The following RABGAP1L variants were observed in gnomAD, a reference collection of about 807,000 sequenced individuals.
RABGAP1L encodes the protein rab GTPase-activating protein 1-like.
RABGAP1L carries 63 observed loss-of-function variants against 137.7 expected under a neutral mutation model. The observed-to-expected ratio is 0.46, with a 90% CI of 0.37 to 0.56. The LOEUF is 0.56. Among genes scored for constraint, RABGAP1L ranks in the 20% least tolerant of loss-of-function variants. The pLI is 0.00. For missense variants in RABGAP1L, 1,095 were observed against 1,244.0 expected, an observed-to-expected ratio of 0.88 and a Z score of 1.80; for synonymous variants, 431 against 433.7, an observed-to-expected ratio of 0.99 and a Z score of 0.08.
intron 13 of RABGAP1L, among the ~76,000 whole-genome samples, chr1:174,419,853 T>G (rs996012946): frequency 5.9e-5 from 9 of 152,186 alleles, no homozygotes; most frequent in Non-Finnish European, 1.3e-4. Context: ...TTTGAATGTT[T>G]TTTTCTCTTG....
chr1:174,355,893 C>T (rs1375738165), intron 11 of RABGAP1L, among the ~76,000 whole-genome samples: 3 of 151,936 alleles, frequency 2.0e-5, no homozygotes, highest in African/African-American at 7.2e-5. Context: ...AATAAATCAC[C>T]CTGCTTTTGA....
chr1:174,934,459 C>G (rs989932631), intron 19 of RABGAP1L, among the ~76,000 whole-genome samples: 9 of 152,178 alleles, frequency 5.9e-5, no homozygotes, highest in Non-Finnish European at 1.3e-4. Flanking sequence ...AACTGTTACT[C>G]TCCCGTACTG....
intron 12 of RABGAP1L, among the ~76,000 whole-genome samples, chr1:174,385,542 C>T (rs1571553537): frequency 6.6e-6 from 1 of 152,180 alleles, no homozygotes; most frequent in Non-Finnish European, 1.5e-5. Flanking sequence ...GGCGAGATTA[C>T]TTACGGAGTG....
intron 1 of RABGAP1L, among the ~76,000 whole-genome samples, chr1:174,200,202 G>C (rs1403195075): frequency 6.6e-6 from 1 of 152,226 alleles, no homozygotes; most frequent in Non-Finnish European, 1.5e-5. Context: ...TGAAAACCCA[G>C]TTATCATGCT....
At chr1:174,744,715 G>T (rs1373916197) in intron 17 of RABGAP1L, among the ~76,000 whole-genome samples, 4 of 152,078 alleles carry the variant, frequency 2.6e-5, no homozygotes, top group Non-Finnish European at 5.9e-5. Flanking sequence ...AAGCATCAAG[G>T]TCATGAAAAA....
intron 22 of RABGAP1L, among the ~76,000 whole-genome samples, chr1:174,976,605 A>G (rs1483015412): frequency 2.0e-5 from 3 of 152,224 alleles, no homozygotes; most frequent in East Asian, 3.8e-4. Flanking sequence ...GAGTTGCCAC[A>G]CAGCCCCTGC....
At chr1:174,292,622 A>G (rs1041173761) in intron 10 of RABGAP1L, among the ~76,000 whole-genome samples, 8 of 151,836 alleles carry the variant, frequency 5.3e-5, no homozygotes, top group Admixed American at 4.6e-4. Flanking sequence ...TATACTCTAT[A>G]TGATTTGAAT....
chr1:174,217,648 G>GA (rs1364598213), intron 1 of RABGAP1L, among the ~76,000 whole-genome samples: 3 of 151,944 alleles, frequency 2.0e-5, no homozygotes, highest in Non-Finnish European at 2.9e-5. Context: ...TACAAAGTGA[G>GA]AAAAAAACCT....
At chr1:174,561,738 G>T (rs913023594) in intron 13 of RABGAP1L, among the ~76,000 whole-genome samples, 12 of 151,994 alleles carry the variant, frequency 7.9e-5, no homozygotes, top group Admixed American at 4.6e-4. Context: ...TGACAAACCT[G>T]ACAAAAGCAA....
At chr1:174,493,129 CAGG>C in intron 13 of RABGAP1L, among the ~76,000 whole-genome samples, 1 of 148,812 alleles carries the variant, frequency 6.7e-6, no homozygotes, top group East Asian at 2.0e-4. Flanking sequence ...GAGGCTGAGG[CAGG>C]AGGCTTGCCT....
intron 15 of RABGAP1L, 96 bp from the exon 16 acceptor site, chr1:174,699,429 C>T: frequency 8.8e-7 from 1 of 1,134,372 alleles, no homozygotes; most frequent in Non-Finnish European, 1.2e-6. Context: ...AGGCCTTCAG[C>T]TACTTATGCA....
At chr1:174,561,338 A>T (rs1036079032) in intron 13 of RABGAP1L, among the ~76,000 whole-genome samples, 6 of 152,200 alleles carry the variant, frequency 3.9e-5, no homozygotes, top group Admixed American at 2.0e-4. Context: ...ACTAGAAACC[A>T]CTGCTCAAGG....
At chr1:174,769,640 G>GAATAATAATAATGAAT (rs1409768323) in intron 18 of RABGAP1L, among the ~76,000 whole-genome samples, 1 of 152,158 alleles carries the variant, frequency 6.6e-6, no homozygotes, top group Non-Finnish European at 1.5e-5. Context: ...TTAAGCCCAG[G>GAATAATAATAATGAAT]AATAATGAAT....
At chr1:174,412,642 G>C (rs576992078) in intron 13 of RABGAP1L, among the ~76,000 whole-genome samples, 51 of 152,178 alleles carry the variant, frequency 3.4e-4, no homozygotes, top group African/African-American at 1.1e-3. Flanking sequence ...AGGATCCCTT[G>C]TAAAACTGGT....
intron 13 of RABGAP1L, among the ~76,000 whole-genome samples, chr1:174,541,709 G>C (rs188181983): frequency 6.6e-6 from 1 of 152,144 alleles, no homozygotes; most frequent in East Asian, 1.9e-4. Context: ...CCGGGAGGCG[G>C]AGCTTGTAGT....
chr1:174,798,457 A>G (rs1688448627), intron 18 of RABGAP1L, among the ~76,000 whole-genome samples: 1 of 152,084 alleles, frequency 6.6e-6, no homozygotes, highest in Non-Finnish European at 1.5e-5. Flanking sequence ...TGACAGCAAT[A>G]TATAAATATT....
At chr1:174,524,239 T>C (rs551662891) in intron 13 of RABGAP1L, among the ~76,000 whole-genome samples, 1 of 152,092 alleles carries the variant, frequency 6.6e-6, no homozygotes, top group East Asian at 1.9e-4. Flanking sequence ...CCGTTTTCCA[T>C]AGTGGTTGTA....
chr1:174,768,781 C>T (rs192930532), intron 18 of RABGAP1L, among the ~76,000 whole-genome samples: 26 of 152,302 alleles, frequency 1.7e-4, no homozygotes, highest in African/African-American at 6.0e-4. Context: ...AATAAATTCT[C>T]ACTCCTGCTC....
At chr1:174,309,260 G>C (rs1678590932) in intron 11 of RABGAP1L, among the ~76,000 whole-genome samples, 1 of 151,964 alleles carries the variant, frequency 6.6e-6, no homozygotes, top group Admixed American at 6.6e-5. Flanking sequence ...GTTTTTCGAT[G>C]GAGTGTTTAG....
Sources: gnomAD v4.1 joint callset for allele counts (sites outside exome capture counted in the v4.1 genomes callset) on GRCh38, gnomAD v4.1.1 for gene constraint, MANE v1.5 for transcripts, NCBI Gene and HGNC (gene_info 2026-07-23, HGNC 2026-07-21) for gene names.